The following PRDM5 variants were observed in gnomAD, a reference collection of about 807,000 sequenced individuals.
The protein encoded by PRDM5 is PR/SET domain 5.
PRDM5 carries 56 observed loss-of-function variants against 81.2 expected under a neutral mutation model. The observed-to-expected ratio is 0.69, with a 90% CI of 0.56 to 0.86. PRDM5 has a LOEUF of 0.86. PRDM5 is among the 40% of genes least tolerant of loss of function. PRDM5 has a pLI of 0.00. For missense variants in PRDM5, 697 were observed against 770.1 expected, an observed-to-expected ratio of 0.91 and a Z score of 1.12; for synonymous variants, 267 against 256.4, an observed-to-expected ratio of 1.04 and a Z score of -0.39.
intron 15 of PRDM5, among the ~76,000 whole-genome samples, chr4:120,706,138 A>G (rs71600494): frequency 0.22 from 33,112 of 150,250 alleles, 3,895 homozygotes; most frequent in Non-Finnish European, 0.28. Flanking sequence ...CTCGCCCAAG[A>G]TGGCGTGCAG....
intron 2 of PRDM5, among the ~76,000 whole-genome samples, chr4:120,903,945 T>C (rs1765475709): frequency 6.6e-6 from 1 of 151,924 alleles, no homozygotes; most frequent in African/African-American, 2.4e-5. Flanking sequence ...ATCCTAGAAC[T>C]TTGGGAGGCC....
intron 14 of PRDM5, among the ~76,000 whole-genome samples, chr4:120,717,009 A>G (rs1295144231): frequency 6.6e-6 from 1 of 151,496 alleles, no homozygotes; most frequent in African/African-American, 2.4e-5. Context: ...GGTACAGGGG[A>G]TAAGATTGGA....
chr4:120,774,117 G>A (rs376276047), intron 13 of PRDM5, among the ~76,000 whole-genome samples: 1 of 152,168 alleles, frequency 6.6e-6, no homozygotes, highest in African/African-American at 2.4e-5. Context: ...CAGAATCCTC[G>A]ATTATTTTTA....
chr4:120,765,431 T>C (rs529652906), intron 13 of PRDM5, among the ~76,000 whole-genome samples: 2 of 152,210 alleles, frequency 1.3e-5, no homozygotes, highest in Non-Finnish European at 2.9e-5. Context: ...ATGGAATTCA[T>C]GTCACAGTCC....
chr4:120,816,971 A>C lies in PRDM5; in HGVS notation c.651-47T>G, dbSNP rs369222514. ...AGAAAGAAAAGAAAACAAAAACTGG[A>C]ACTCTAAGACAAAAATGAAACTACA... On this transcript the variant is annotated intron_variant, in intron 5 of 15. Transcript: ENST00000264808. 670 of 1,426,088 alleles carry C rather than the reference A, an allele frequency of 4.7e-4. 5 individuals are homozygous for C. The highest frequency in any genetic ancestry group is 8.7e-4 in the Admixed American group (52 of 59,434). The allele number at this position is 1,426,088 out of a possible 1,614,324, so 88.3% of individuals were successfully genotyped here.
intron 3 of PRDM5, among the ~76,000 whole-genome samples, chr4:120,830,388 T>C (rs1316053730): frequency 6.6e-6 from 1 of 152,076 alleles, no homozygotes; most frequent in Non-Finnish European, 1.5e-5. Context: ...GGAAAACACA[T>C]GTCCCTGATA....
At chr4:120,886,062 C>G (rs1579115182) in intron 2 of PRDM5, among the ~76,000 whole-genome samples, 1 of 152,116 alleles carries the variant, frequency 6.6e-6, no homozygotes, top group Non-Finnish European at 1.5e-5. Context: ...ATGAAACATT[C>G]GATTGCTTTG....
chr4:120,749,361 G>A (rs1158830039), intron 14 of PRDM5, among the ~76,000 whole-genome samples: 1 of 152,164 alleles, frequency 6.6e-6, no homozygotes, highest in Admixed American at 6.5e-5. Context: ...CACATGGAAA[G>A]TCCACAGCCA....
intron 3 of PRDM5, among the ~76,000 whole-genome samples, chr4:120,826,405 T>A (rs1424836038): frequency 6.6e-6 from 1 of 152,170 alleles, no homozygotes; most frequent in African/African-American, 2.4e-5. Flanking sequence ...TTAGGAGTTC[T>A]CTATATCAAC....
At chr4:120,780,310 G>T (rs539543870) in intron 12 of PRDM5, among the ~76,000 whole-genome samples, 41 of 152,084 alleles carry the variant, frequency 2.7e-4, no homozygotes, top group African/African-American at 9.6e-4. Flanking sequence ...TCTGGGCATG[G>T]TGAGACATGA....
chr4:120,871,143 T>C (rs967429712), intron 2 of PRDM5, among the ~76,000 whole-genome samples: 1 of 152,130 alleles, frequency 6.6e-6, no homozygotes, highest in African/African-American at 2.4e-5. Context: ...TGCCAGAAAG[T>C]TTTTCCTCAG....
chr4:120,768,310 G>T (rs1032550194), intron 13 of PRDM5, among the ~76,000 whole-genome samples: 1 of 152,140 alleles, frequency 6.6e-6, no homozygotes, highest in African/African-American at 2.4e-5. Flanking sequence ...ATAGTGAATA[G>T]GTCATTTGCT....
intron 15 of PRDM5, among the ~76,000 whole-genome samples, chr4:120,701,115 ACT>A (rs1735282812): frequency 6.6e-6 from 1 of 151,564 alleles, no homozygotes; most frequent in Admixed American, 6.6e-5. Context: ...ACAGAGCAAG[ACT>A]CTGTTGCAAC....
intron 3 of PRDM5, among the ~76,000 whole-genome samples, chr4:120,847,759 A>G (rs1378441503): frequency 6.6e-6 from 1 of 152,214 alleles, no homozygotes; most frequent in Admixed American, 6.5e-5. Flanking sequence ...AAATAACTCA[A>G]AAGTCATACT....
chr4:120,886,806 A>T (rs1763483494), intron 2 of PRDM5, among the ~76,000 whole-genome samples: 1 of 152,174 alleles, frequency 6.6e-6, no homozygotes, highest in African/African-American at 2.4e-5. Context: ...CTTCCTTCAA[A>T]AGTCTACAAC....
intron 2 of PRDM5, among the ~76,000 whole-genome samples, chr4:120,891,078 A>T (rs1763992375): frequency 6.6e-6 from 1 of 152,080 alleles, no homozygotes; most frequent in Admixed American, 6.6e-5. Flanking sequence ...ATTTCCTAAA[A>T]TTTTTTGTAA....
intron 2 of PRDM5, among the ~76,000 whole-genome samples, chr4:120,890,945 T>G (rs1453306142): frequency 6.6e-6 from 1 of 152,214 alleles, no homozygotes; most frequent in Admixed American, 6.5e-5. Flanking sequence ...TGTTCATAGT[T>G]TCTTTTATGG....
intron 11 of PRDM5, among the ~76,000 whole-genome samples, chr4:120,784,688 CAT>C (rs2149248103): frequency 1.3e-5 from 2 of 152,162 alleles, no homozygotes; most frequent in East Asian, 1.9e-4. Context: ...GAAACAAAAT[CAT>C]GTGTCAAAAC....
intron 13 of PRDM5, 56 bp downstream of exon 13, chr4:120,777,132 G>C: frequency 1.2e-6 from 2 of 1,612,034 alleles, no homozygotes; most frequent in Non-Finnish European, 1.7e-6. Context: ...TCCTGTCTTG[G>C]AAGCATGTGA....
Sources: gnomAD v4.1 joint callset for allele counts (sites outside exome capture counted in the v4.1 genomes callset) on GRCh38, gnomAD v4.1.1 for gene constraint, MANE v1.5 for transcripts, NCBI Gene and HGNC (gene_info 2026-07-23, HGNC 2026-07-21) for gene names.